KCNIP4: variants seen among roughly 807,000 people sequenced by gnomAD.
KCNIP4 encodes potassium voltage-gated channel interacting protein 4.
KCNIP4 carries 12 observed loss-of-function variants against 34.0 expected under a neutral mutation model. The ratio of observed to expected loss-of-function variants is 0.35; its 90% CI spans 0.23 to 0.57. KCNIP4 has a LOEUF of 0.57. Among genes scored for constraint, KCNIP4 ranks in the 20% least tolerant of loss-of-function variants. The probability of loss-of-function intolerance (pLI) is 0.83; values close to 1 mark genes in which losing one functional copy is unlikely to be tolerated. For synonymous variants in KCNIP4, 124 were observed against 102.2 expected (o/e 1.21, Z -1.29); for missense variants, 238 against 311.7 (o/e 0.76, Z 1.78).
At position 21,116,365 on chromosome 4, in the gene KCNIP4, TCA is replaced by T. The variant is rs201500344; in HGVS notation, c.62-233658_62-233657del. Reference sequence around the variant, plus strand: ...TTGGTTTCCTAATTCGTTCATTCATTCATTCTTCATTCATCCACTCATTTATC... The same window carrying T: ...TTGGTTTCCTAATTCGTTCATTCATTTTCTTCATTCATCCACTCATTTATC... On this transcript the variant is annotated intron_variant, in intron 1 of 8. Coordinates refer to ENST00000382152, the MANE Select transcript of KCNIP4 (RefSeq NM_025221.6). Among the ~76,000 whole-genome samples the T allele has an allele frequency of 8.9e-3, 1,359 of 152,294 alleles. 9 individuals are homozygous for T. Among genetic ancestry groups the T allele is most frequent in the Middle Eastern group, 0.02 (6 of 294 alleles).
intron 1 of KCNIP4, among the ~76,000 whole-genome samples, chr4:21,923,378 T>G (rs895554985): frequency 3.3e-5 from 5 of 152,134 alleles, no homozygotes; most frequent in African/African-American, 1.2e-4. Context: ...GGTCAGGAGT[T>G]CGAGACCAGC....
chr4:21,444,179 C>T (rs182093111), intron 1 of KCNIP4, among the ~76,000 whole-genome samples: 59 of 152,222 alleles, frequency 3.9e-4, no homozygotes, highest in African/African-American at 1.3e-3. Context: ...GATTCACATC[C>T]GAATTCTACC....
chr4:20,778,076 T>G (rs1044196395), intron 3 of KCNIP4, among the ~76,000 whole-genome samples: 1 of 152,188 alleles, frequency 6.6e-6, no homozygotes, highest in African/African-American at 2.4e-5. Context: ...GGCATTCAAG[T>G]AACTCAAGGC....
At chr4:21,716,558 T>C (rs1474716134) in intron 1 of KCNIP4, among the ~76,000 whole-genome samples, 1 of 152,106 alleles carries the variant, frequency 6.6e-6, no homozygotes. Context: ...CTTTAGTTTC[T>C]GAGAAGAGGC....
chr4:21,684,324 C>A (rs924747581), intron 1 of KCNIP4, among the ~76,000 whole-genome samples: 3 of 152,068 alleles, frequency 2.0e-5, no homozygotes, highest in African/African-American at 4.8e-5. Context: ...GTGCATTGGT[C>A]AAATTGATAT....
intron 1 of KCNIP4, among the ~76,000 whole-genome samples, chr4:21,273,749 C>T (rs1290481030): frequency 6.6e-6 from 1 of 152,110 alleles, no homozygotes; most frequent in Non-Finnish European, 1.5e-5. Context: ...TTACTATACC[C>T]AAATCCCATG....
chr4:20,849,652 G>A (rs1230915822), intron 3 of KCNIP4, among the ~76,000 whole-genome samples: 1 of 152,078 alleles, frequency 6.6e-6, no homozygotes, highest in African/African-American at 2.4e-5. Flanking sequence ...AAGGATCAAA[G>A]CAATTTAATT....
intron 1 of KCNIP4, among the ~76,000 whole-genome samples, chr4:21,343,490 CTCAG>C (rs532222200): frequency 5.4e-4 from 82 of 152,176 alleles, no homozygotes; most frequent in Non-Finnish European, 8.4e-4. Flanking sequence ...ATTATCTCTC[CTCAG>C]TCAGTAAAAT....
intron 1 of KCNIP4, among the ~76,000 whole-genome samples, chr4:20,931,176 TACAC>T (rs113547133): frequency 0.036 from 5,394 of 149,106 alleles, 153 homozygotes; most frequent in Admixed American, 0.075. Flanking sequence ...GACAATGTGG[TACAC>T]ACACACACAC....
chr4:21,362,096 T>G (rs537092914), intron 1 of KCNIP4, among the ~76,000 whole-genome samples: 11 of 152,218 alleles, frequency 7.2e-5, no homozygotes, highest in Admixed American at 2.6e-4. Context: ...TGGGATATGC[T>G]CTGATAAAAT....
At chr4:21,439,163 A>G (rs1159736553) in intron 1 of KCNIP4, among the ~76,000 whole-genome samples, 2 of 145,166 alleles carry the variant, frequency 1.4e-5, no homozygotes, top group Non-Finnish European at 3.0e-5. Flanking sequence ...ATCTGTCTCA[A>G]AAAAAAAAAA....
intron 1 of KCNIP4, among the ~76,000 whole-genome samples, chr4:21,499,330 C>CAAAAAAAAA (rs527385773): frequency 1.0e-5 from 1 of 98,248 alleles, no homozygotes; most frequent in African/African-American, 4.0e-5. Context: ...GACTCCATCT[C>CAAAAAAAAA]AAAAAAAAAA....
At chr4:21,639,428 CTT>C (rs201894764) in intron 1 of KCNIP4, among the ~76,000 whole-genome samples, 1,832 of 152,220 alleles carry the variant, frequency 0.012, 27 homozygotes, top group Non-Finnish European at 0.019. Flanking sequence ...GACAGTCAAT[CTT>C]TGTCATTAAA....
chr4:21,302,820 G>A (rs570990083), intron 1 of KCNIP4, among the ~76,000 whole-genome samples: 4 of 152,226 alleles, frequency 2.6e-5, no homozygotes, highest in Non-Finnish European at 4.4e-5. Flanking sequence ...TCTCATTTAT[G>A]TTACACTGTG....
At chr4:21,113,028 A>G (rs1215310194) in intron 1 of KCNIP4, among the ~76,000 whole-genome samples, 1 of 152,184 alleles carries the variant, frequency 6.6e-6, no homozygotes, top group Non-Finnish European at 1.5e-5. Flanking sequence ...TTCTATACAC[A>G]ATGTCAATAC....
intron 1 of KCNIP4, among the ~76,000 whole-genome samples, chr4:21,336,002 T>C (rs1008072221): frequency 1.3e-5 from 2 of 152,158 alleles, no homozygotes; most frequent in African/African-American, 4.8e-5. Flanking sequence ...CATATATTTA[T>C]ATTTTTTTGC....
intron 1 of KCNIP4, among the ~76,000 whole-genome samples, chr4:21,116,526 C>G (rs952244886): frequency 2.6e-5 from 4 of 152,204 alleles, no homozygotes; most frequent in Non-Finnish European, 4.4e-5. Flanking sequence ...CTCTGGATAG[C>G]TTTTCTGTAC....
rs397992488 is a variant in KCNIP4, at chr4:20,937,222, C to CTTTTTTTTTTTTTTTTT, written c.62-54530_62-54514dup. Among the ~76,000 whole-genome samples the CTTTTTTTTTTTTTTTTT allele has an allele frequency of 8.6e-4, 39 of 45,530 alleles. 2 individuals are homozygous for CTTTTTTTTTTTTTTTTT. The highest frequency in any genetic ancestry group is 1.6e-3 in the Non-Finnish European group (37 of 23,516). The allele number at this position is 45,530 out of a possible 152,430, so 29.9% of individuals were successfully genotyped here. A position where few individuals can be genotyped will look rare whatever the true frequency, so the allele number is the denominator to read the frequency against. ...TGAGCAAAAGGTGCCCCCAAGGAGT[C>CTTTTTTTTTTTTTTTTT]TTTTTTTTTTTTTTTTTTTTTTTTT... On this transcript the variant is annotated intron_variant, in intron 1 of 8. Transcript: ENST00000382152.
At chr4:21,838,541 G>A (rs1276373353) in intron 1 of KCNIP4, among the ~76,000 whole-genome samples, 1 of 152,066 alleles carries the variant, frequency 6.6e-6, no homozygotes. Flanking sequence ...TTACCCGTTG[G>A]TCTACCATCA....
Sources: gnomAD v4.1 joint callset for allele counts (sites outside exome capture counted in the v4.1 genomes callset) on GRCh38, gnomAD v4.1.1 for gene constraint, MANE v1.5 for transcripts, NCBI Gene and HGNC (gene_info 2026-07-23, HGNC 2026-07-21) for gene names.